Variants in NRXN3 observed in about 807,000 individuals in gnomAD.
NRXN3 encodes the protein neurexin III.
In NRXN3, 32 loss-of-function variants were observed where a neutral mutation model predicts 137.6. The ratio of observed to expected loss-of-function variants is 0.23; its 90% CI spans 0.18 to 0.31. The LOEUF (loss-of-function observed/expected upper bound fraction) is 0.31. Ranked by LOEUF, NRXN3 falls within the 10% of genes least tolerant of loss-of-function variation. The pLI is 1.00. For synonymous variants in NRXN3, 798 were observed against 784.5 expected (o/e 1.02, Z -0.29); for missense variants, 1,574 against 2,062.5 (o/e 0.76, Z 4.59).
At chr14:78,605,017 A>C (rs1393705270) in intron 4 of NRXN3, among the ~76,000 whole-genome samples, 1 of 152,194 alleles carries the variant, frequency 6.6e-6, no homozygotes, top group Non-Finnish European at 1.5e-5. Flanking sequence ...CCCCAGAGTC[A>C]CATTCAAAGA....
At chr14:78,991,525 G>A (rs563224130) in intron 15 of NRXN3, among the ~76,000 whole-genome samples, 3 of 152,194 alleles carry the variant, frequency 2.0e-5, no homozygotes, top group South Asian at 4.2e-4. Flanking sequence ...TGTTTCTCAG[G>A]GCAACAGATT....
chr14:78,342,566 A>G (rs2082259619), intron 4 of NRXN3, among the ~76,000 whole-genome samples: 1 of 152,186 alleles, frequency 6.6e-6, no homozygotes, highest in South Asian at 2.1e-4. Context: ...CAAACCTGTG[A>G]GCTAGGTACT....
chr14:79,201,155 A>G (rs2065942787), intron 15 of NRXN3: 1 of 152,184 alleles, frequency 6.6e-6, no homozygotes, highest in Non-Finnish European at 1.5e-5. Flanking sequence ...TAGAAATTCA[A>G]GAATGAAATG....
chr14:78,959,981 C>T (rs1458387581), intron 11 of NRXN3, among the ~76,000 whole-genome samples: 1 of 152,122 alleles, frequency 6.6e-6, no homozygotes, highest in Non-Finnish European at 1.5e-5. Flanking sequence ...AACTACAGAG[C>T]TGAGGGTACT....
chr14:79,367,218 C>T (rs1041715023), intron 15 of NRXN3, among the ~76,000 whole-genome samples: 9 of 152,052 alleles, frequency 5.9e-5, no homozygotes, highest in Admixed American at 3.3e-4. Context: ...CTCCTGACCT[C>T]GTGATCCACC....
intron 15 of NRXN3, chr14:79,280,319 A>G: frequency 6.2e-7 from 1 of 1,614,040 alleles, no homozygotes; most frequent in Non-Finnish European, 8.5e-7. Flanking sequence ...CGCGAGACGG[A>G]GCCCTCCTCG....
chr14:78,503,950 A>G (rs2095930762), intron 4 of NRXN3, among the ~76,000 whole-genome samples: 1 of 152,314 alleles, frequency 6.6e-6, no homozygotes, highest in South Asian at 2.1e-4. Context: ...GAAGAATGTC[A>G]TCCAGAGACC....
At chr14:79,155,211 A>G (rs1162451064) in intron 15 of NRXN3, among the ~76,000 whole-genome samples, 1 of 151,922 alleles carries the variant, frequency 6.6e-6, no homozygotes, top group African/African-American at 2.4e-5. Flanking sequence ...GTGTTTCAGA[A>G]TGAAAGGACC....
At position 78,498,753 on chromosome 14, in the gene NRXN3, T is replaced by C. The variant is rs575931785; in HGVS notation, c.758-146367T>C. Reference sequence around the variant, plus strand: ...CACGTGAGAAGTAAATATGGGGGACTCTGGAGCTAGAATGCCTGGGTTCAT... The same window carrying C: ...CACGTGAGAAGTAAATATGGGGGACCCTGGAGCTAGAATGCCTGGGTTCAT... On this transcript the variant is annotated intron_variant, in intron 4 of 20. Transcript: ENST00000335750. Among the ~76,000 whole-genome samples the C allele has an allele frequency of 2.3e-4, 35 of 152,220 alleles. No individual in the cohort carries two copies. In the South Asian group the frequency reaches 7.3e-3, roughly 32 times the overall value.
At chr14:79,112,436 A>G (rs975036272) in intron 15 of NRXN3, among the ~76,000 whole-genome samples, 1 of 152,218 alleles carries the variant, frequency 6.6e-6, no homozygotes, top group African/African-American at 2.4e-5. Context: ...TTTCAAACAA[A>G]TAGACCCTTG....
chr14:78,400,100 T>C (rs1212015899), intron 4 of NRXN3, among the ~76,000 whole-genome samples: 3 of 152,232 alleles, frequency 2.0e-5, no homozygotes, highest in African/African-American at 7.2e-5. Context: ...AACATTTTAC[T>C]TCATTCTATT....
chr14:79,463,048 G>A (rs1177151518), intron 15 of NRXN3, among the ~76,000 whole-genome samples: 1 of 152,018 alleles, frequency 6.6e-6, no homozygotes, highest in Non-Finnish European at 1.5e-5. Context: ...TGCCATAAAG[G>A]CAGGGCCAGG....
At chr14:79,760,483 T>C (rs2099034720) in intron 19 of NRXN3, among the ~76,000 whole-genome samples, 1 of 150,324 alleles carries the variant, frequency 6.7e-6, no homozygotes, top group Non-Finnish European at 1.5e-5. Flanking sequence ...TGGTATTCTC[T>C]TTAAAGGAAA....
intron 15 of NRXN3, among the ~76,000 whole-genome samples, chr14:79,216,110 A>G (rs1018574422): frequency 6.6e-6 from 1 of 152,172 alleles, no homozygotes; most frequent in South Asian, 2.1e-4. Context: ...GCTAGAAGTG[A>G]CTGGCATGGC....
intron 15 of NRXN3, among the ~76,000 whole-genome samples, chr14:79,078,946 G>C (rs901211374): frequency 2.6e-5 from 4 of 151,934 alleles, no homozygotes; most frequent in African/African-American, 9.7e-5. Context: ...AGATGAAAGA[G>C]AGAACCTAAC....
chr14:79,148,975 G>A (rs1398181685), intron 15 of NRXN3, among the ~76,000 whole-genome samples: 2 of 152,096 alleles, frequency 1.3e-5, no homozygotes, highest in Admixed American at 1.3e-4. Flanking sequence ...TTAAAAGTAA[G>A]CAGTGAGAAT....
At position 79,788,739 on chromosome 14, in the gene NRXN3, A is replaced by G. The variant is rs184649274; in HGVS notation, c.4015-16373A>G. ...AATCAAGTAGAAGGGAAAATAGTGTAAGTCAATATATATTAAGTACTTTCA... is the reference window on the plus strand; with the variant it reads ...AATCAAGTAGAAGGGAAAATAGTGTGAGTCAATATATATTAAGTACTTTCA... On this transcript the variant is annotated intron_variant, in intron 19 of 20. Coordinates refer to ENST00000335750, the MANE Select transcript of NRXN3 (RefSeq NM_001330195.2). 2.3e-3 allele frequency among the ~76,000 whole-genome samples: 345 copies of G among 152,336 alleles called. 4 individuals carry two copies. The highest frequency in any genetic ancestry group is 0.02 in the Middle Eastern group (6 of 294).
intron 15 of NRXN3, among the ~76,000 whole-genome samples, chr14:79,253,681 C>T (rs571682806): frequency 8.5e-5 from 13 of 152,288 alleles, no homozygotes; most frequent in South Asian, 2.1e-4. Context: ...TTTCACAAGG[C>T]GGCAGGAAAA....
At chr14:78,688,722 G>A (rs1454034481) in intron 6 of NRXN3, among the ~76,000 whole-genome samples, 2 of 152,082 alleles carry the variant, frequency 1.3e-5, no homozygotes, top group South Asian at 2.1e-4. Flanking sequence ...CAAATGAAAA[G>A]CATTCAGATA....
Sources: gnomAD v4.1 joint callset for allele counts (sites outside exome capture counted in the v4.1 genomes callset) on GRCh38, gnomAD v4.1.1 for gene constraint, MANE v1.5 for transcripts, NCBI Gene and HGNC (gene_info 2026-07-23, HGNC 2026-07-21) for gene names.